Variants in MSI2 observed in about 807,000 individuals in gnomAD.
MSI2 encodes the protein RNA-binding protein Musashi homolog 2.
Under a neutral mutation model 45.6 loss-of-function variants are expected in MSI2, and 17 were observed. That is an observed-to-expected ratio of 0.37 (90% CI 0.26 to 0.56). The LOEUF is 0.56. MSI2 is among the 20% of genes least tolerant of loss of function. The pLI, the probability that MSI2 is intolerant of heterozygous loss-of-function variation, is 0.77. For synonymous variants in MSI2, 156 were observed against 158.2 expected (o/e 0.99, Z 0.11); for missense variants, 293 against 444.2 (o/e 0.66, Z 3.06).
chr17:57,420,862 C>G (rs951328452), intron 6 of MSI2, among the ~76,000 whole-genome samples: 4 of 152,224 alleles, frequency 2.6e-5, no homozygotes, highest in African/African-American at 9.6e-5. Context: ...CCTCCGCAAA[C>G]GCAGTAACAA....
intron 6 of MSI2, among the ~76,000 whole-genome samples, chr17:57,505,757 C>G (rs1037584781): frequency 2.0e-5 from 3 of 151,932 alleles, no homozygotes; most frequent in African/African-American, 7.3e-5. Flanking sequence ...TGTATATATT[C>G]AAGTTAGTAT....
intron 6 of MSI2, among the ~76,000 whole-genome samples, chr17:57,502,760 G>T (rs528209027): frequency 6.6e-6 from 1 of 151,080 alleles, no homozygotes; most frequent in Non-Finnish European, 1.5e-5. Flanking sequence ...GCACAGAGGC[G>T]CATGTGTTGG....
At chr17:57,594,209 T>C (rs1275931831) in intron 7 of MSI2, among the ~76,000 whole-genome samples, 5 of 152,218 alleles carry the variant, frequency 3.3e-5, no homozygotes, top group Non-Finnish European at 5.9e-5. Flanking sequence ...CGCTGGCCAA[T>C]TTCCGCGGCC....
At chr17:57,449,793 C>T (rs2084962532) in intron 6 of MSI2, 2 of 151,976 alleles carry the variant, frequency 1.3e-5, no homozygotes, top group South Asian at 2.1e-4. Context: ...TTTGTGAGGC[C>T]CAGGCAGGCA....
chr17:57,307,584 C>A (rs1176401814), intron 5 of MSI2, among the ~76,000 whole-genome samples: 2 of 152,178 alleles, frequency 1.3e-5, no homozygotes, highest in Non-Finnish European at 2.9e-5. Flanking sequence ...GCCACCACAC[C>A]CAGCTAATTT....
chr17:57,368,121 A>G (rs548108952), intron 5 of MSI2, among the ~76,000 whole-genome samples: 1 of 152,330 alleles, frequency 6.6e-6, no homozygotes, highest in East Asian at 1.9e-4. Flanking sequence ...TTCTTAAATA[A>G]TAATTTTAAG....
intron 5 of MSI2, among the ~76,000 whole-genome samples, chr17:57,335,563 G>A (rs1371235828): frequency 1.3e-5 from 2 of 152,204 alleles, no homozygotes; most frequent in African/African-American, 4.8e-5. Flanking sequence ...AAAGGATGCT[G>A]ACTCCTGACA....
chr17:57,413,908 A>T (rs1029574287), intron 6 of MSI2, among the ~76,000 whole-genome samples: 2 of 151,888 alleles, frequency 1.3e-5, no homozygotes, highest in African/African-American at 4.9e-5. Flanking sequence ...CTCACGCATC[A>T]TTCATTTGTT....
chr17:57,597,287 C>T (rs942736032), intron 8 of MSI2, among the ~76,000 whole-genome samples: 1 of 151,902 alleles, frequency 6.6e-6, no homozygotes, highest in African/African-American at 2.4e-5. Context: ...AAATTTGAAC[C>T]TTATGTAATT....
At chr17:57,494,864 C>A (rs913291186) in intron 6 of MSI2, among the ~76,000 whole-genome samples, 2 of 152,014 alleles carry the variant, frequency 1.3e-5, no homozygotes, top group African/African-American at 4.8e-5. Flanking sequence ...AGAAACGAAT[C>A]CCGGTCATGA....
At chr17:57,283,332 C>T (rs2143395109) in intron 5 of MSI2, among the ~76,000 whole-genome samples, 1 of 152,288 alleles carries the variant, frequency 6.6e-6, no homozygotes, top group Admixed American at 6.5e-5. Context: ...GGCTGAAGTG[C>T]TTCCTTTGTG....
intron 5 of MSI2, among the ~76,000 whole-genome samples, chr17:57,333,584 T>A (rs1170272777): frequency 6.6e-6 from 1 of 152,020 alleles, no homozygotes. Context: ...ATTACAGGTG[T>A]GTGCCACCAC....
intron 6 of MSI2, among the ~76,000 whole-genome samples, chr17:57,453,125 C>T (rs577797707): frequency 2.0e-5 from 3 of 151,586 alleles, no homozygotes; most frequent in Non-Finnish European, 2.9e-5. Flanking sequence ...CGCAGCCTCC[C>T]GAGTAACTGG....
rs1913478120 is a variant in MSI2 at position 57,679,618 on chromosome 17, A to C, written c.*101A>C. ...GGCCCTTTGTTTAGGTGATGTCCTC[A>C]GACCTGGACCCCCACCAGCCTCACT... On this transcript the variant is annotated 3_prime_UTR_variant, in exon 14 of 14. Transcript: ENST00000284073. The C allele has an allele frequency of 9.4e-7, 1 of 1,063,722 alleles. No individual in the cohort carries two copies. Among genetic ancestry groups the C allele is most frequent in the East Asian group, 5.0e-5 (1 of 19,856 alleles). The allele number at this position is 1,063,722 out of a possible 1,614,324, so 65.9% of individuals were successfully genotyped here.
the MSI2 span, among the ~76,000 whole-genome samples, chr17:57,691,243 A>C: frequency 1.9e-3 from 262 of 137,004 alleles, 1 homozygote; most frequent in Middle Eastern, 7.5e-3. Flanking sequence ...ATCTATCTAT[A>C]TTGCCATACC....
intron 7 of MSI2, among the ~76,000 whole-genome samples, chr17:57,575,805 C>T (rs1449792267): frequency 6.6e-6 from 1 of 151,952 alleles, no homozygotes; most frequent in Non-Finnish European, 1.5e-5. Flanking sequence ...ATTAGCCGGG[C>T]CTGGTGGCAG....
intron 6 of MSI2, among the ~76,000 whole-genome samples, chr17:57,461,168 G>C (rs1206338503): frequency 6.6e-6 from 1 of 152,108 alleles, no homozygotes; most frequent in Non-Finnish European, 1.5e-5. Flanking sequence ...CCCTGCCCTT[G>C]ACCCGGCCGC....
At chr17:57,636,935 A>G (rs1909882391) in intron 10 of MSI2, among the ~76,000 whole-genome samples, 1 of 152,216 alleles carries the variant, frequency 6.6e-6, no homozygotes, top group South Asian at 2.1e-4. Context: ...TCGTGCGTCC[A>G]GGGACCCCAG....
chr17:57,473,082 G>T (rs187606389), intron 6 of MSI2, among the ~76,000 whole-genome samples: 1 of 152,078 alleles, frequency 6.6e-6, no homozygotes, highest in Admixed American at 6.5e-5. Context: ...TAGTAGAGAC[G>T]GGGTTTCACC....
Sources: allele counts gnomAD v4.1 joint callset (sites outside exome capture counted in the v4.1 genomes callset), GRCh38; gene constraint gnomAD v4.1.1; transcripts MANE v1.5; gene names NCBI Gene and HGNC (gene_info 2026-07-23, HGNC 2026-07-21).